ROBO2: variants seen among roughly 807,000 people sequenced by gnomAD.
The protein encoded by ROBO2 is roundabout homolog 2.
Under a neutral mutation model 160.8 loss-of-function variants are expected in ROBO2, and 53 were observed. That is an observed-to-expected ratio of 0.33 (90% CI 0.26 to 0.41). The LOEUF (loss-of-function observed/expected upper bound fraction) is 0.41. Ranked by LOEUF, ROBO2 falls within the 10% of genes least tolerant of loss-of-function variation. The pLI is 1.00. For synonymous variants in ROBO2, 664 were observed against 611.7 expected, an observed-to-expected ratio of 1.09 and a Z score of -1.26; for missense variants, 1,577 against 1,722.4, an observed-to-expected ratio of 0.92 and a Z score of 1.49.
At chr3:76,216,224 C>T (rs928194769) in intron 2 of ROBO2, among the ~76,000 whole-genome samples, 15 of 152,122 alleles carry the variant, frequency 9.9e-5, no homozygotes, top group Admixed American at 1.3e-4. Flanking sequence ...TTGTAAAGAT[C>T]GTCGAGGCTA....
At chr3:77,140,006 G>A (rs2076579550) in intron 2 of ROBO2, among the ~76,000 whole-genome samples, 1 of 152,196 alleles carries the variant, frequency 6.6e-6, no homozygotes. Context: ...GGCAGGAGGG[G>A]ATGAAAGAAG....
At chr3:77,487,735 G>A (rs1240324509) in intron 4 of ROBO2, among the ~76,000 whole-genome samples, 1 of 152,076 alleles carries the variant, frequency 6.6e-6, no homozygotes, top group Non-Finnish European at 1.5e-5. Flanking sequence ...TACAAGCAGT[G>A]GTTAACTCTA....
Position 77,191,738 on chromosome 3 carries a change from G to C in ROBO2, c.388+93398G>C, listed in dbSNP as rs191344576. Among the ~76,000 whole-genome samples the C allele has an allele frequency of 1.9e-3, 285 of 152,154 alleles. 1 individual carries two copies. The highest frequency in any genetic ancestry group is 3.1e-3 in the South Asian group (15 of 4,812). On this transcript the variant is annotated intron_variant, in intron 2 of 25. Transcript: ENST00000461745. ...CTGACCAATATTGGTTCTCCTGCTG[G>C]GAAAACACTATGCATAAACAAGTCC...
chr3:76,311,254 G>A (rs905513259), intron 2 of ROBO2: 3 of 152,182 alleles, frequency 2.0e-5, no homozygotes, highest in African/African-American at 7.2e-5. Flanking sequence ...GAGGGAAGAG[G>A]ATGTGAGAAA....
intron 2 of ROBO2, among the ~76,000 whole-genome samples, chr3:77,123,955 G>GATATGTAGATAATCTATCTATATAGATAT (rs1560059504): frequency 8.1e-5 from 12 of 148,672 alleles, no homozygotes; most frequent in African/African-American, 3.0e-4. Context: ...TATATAGATA[G>GATATGTAGATAATCTATCTATATAGATAT]ATATGTAGAT....
At chr3:77,575,245 T>A (rs2093732192) in intron 14 of ROBO2, among the ~76,000 whole-genome samples, 1 of 152,124 alleles carries the variant, frequency 6.6e-6, no homozygotes, top group Admixed American at 6.6e-5. Context: ...TTGGACCTTT[T>A]CTTACCTAAA....
At chr3:76,817,337 A>G (rs1355555577) in intron 2 of ROBO2, among the ~76,000 whole-genome samples, 1 of 152,098 alleles carries the variant, frequency 6.6e-6, no homozygotes, top group Admixed American at 6.6e-5. Flanking sequence ...GTGGTTTTGT[A>G]GAGTGTGTAC....
chr3:77,151,089 A>C (rs1047689046), intron 2 of ROBO2, among the ~76,000 whole-genome samples: 1 of 152,150 alleles, frequency 6.6e-6, no homozygotes, highest in African/African-American at 2.4e-5. Flanking sequence ...GGGGTACTCA[A>C]ATGTAGACCT....
intron 2 of ROBO2, among the ~76,000 whole-genome samples, chr3:77,021,330 G>T (rs2062622489): frequency 1.3e-5 from 2 of 152,132 alleles, no homozygotes; most frequent in Admixed American, 1.3e-4. Context: ...CTACCCTCCT[G>T]TCTCTTGCCC....
At chr3:76,046,573 G>A (rs996868326) in intron 2 of ROBO2, among the ~76,000 whole-genome samples, 5 of 151,856 alleles carry the variant, frequency 3.3e-5, no homozygotes, top group Non-Finnish European at 7.4e-5. Context: ...GCGTGAACCC[G>A]GGAGGCGGAG....
chr3:75,972,639 T>C (rs1452334592), intron 2 of ROBO2, among the ~76,000 whole-genome samples: 1 of 151,714 alleles, frequency 6.6e-6, no homozygotes, highest in Non-Finnish European at 1.5e-5. Context: ...TCAAATCATG[T>C]AGATCATTGA....
At chr3:76,982,082 G>A (rs2060128765) in intron 2 of ROBO2, among the ~76,000 whole-genome samples, 1 of 152,080 alleles carries the variant, frequency 6.6e-6, no homozygotes. Context: ...TTTTAATTTT[G>A]GTGAAGTCCA....
intron 2 of ROBO2, among the ~76,000 whole-genome samples, chr3:76,908,626 T>G (rs2075771989): frequency 6.6e-6 from 1 of 152,204 alleles, no homozygotes. Flanking sequence ...GAACAACTGC[T>G]ACTCAGGAGG....
chr3:77,231,474 A>G (rs977357367), intron 2 of ROBO2, among the ~76,000 whole-genome samples: 7 of 151,534 alleles, frequency 4.6e-5, no homozygotes, highest in Admixed American at 4.6e-4. Flanking sequence ...ACCCCTGATG[A>G]GGTCCCCTTA....
At chr3:76,016,159 C>T (rs928373366) in intron 2 of ROBO2, among the ~76,000 whole-genome samples, 1 of 151,832 alleles carries the variant, frequency 6.6e-6, no homozygotes, top group African/African-American at 2.4e-5. Context: ...TGAATGATTA[C>T]CACAATAAAC....
intron 2 of ROBO2, among the ~76,000 whole-genome samples, chr3:77,156,348 A>C (rs932650627): frequency 3.3e-5 from 5 of 152,032 alleles, no homozygotes; most frequent in African/African-American, 1.2e-4. Context: ...CATATGAATC[A>C]TTTTGTATTT....
chr3:76,587,227 T>C (rs572135979), intron 2 of ROBO2, among the ~76,000 whole-genome samples: 141 of 152,298 alleles, frequency 9.3e-4, no homozygotes, highest in African/African-American at 3.3e-3. Context: ...TATTGCTTTT[T>C]CTCCACTTAA....
chr3:76,335,251 T>TGCTCACG (rs113855182), intron 2 of ROBO2, among the ~76,000 whole-genome samples: 14,882 of 142,410 alleles, frequency 0.1, 839 homozygotes, highest in African/African-American at 0.13. Context: ...GCGCGATCTC[T>TGCTCACG]GCTCACGGCA....
At chr3:76,863,046 A>C (rs934699453) in intron 2 of ROBO2, among the ~76,000 whole-genome samples, 3 of 152,074 alleles carry the variant, frequency 2.0e-5, no homozygotes, top group African/African-American at 7.2e-5. Context: ...ATCCTTCCTT[A>C]AATCTTTCGT....
Sources: allele counts gnomAD v4.1 joint callset (sites outside exome capture counted in the v4.1 genomes callset), GRCh38; gene constraint gnomAD v4.1.1; transcripts MANE v1.5; gene names NCBI Gene and HGNC (gene_info 2026-07-23, HGNC 2026-07-21).